FRMD7: variants seen among roughly 807,000 people sequenced by gnomAD.
FRMD7 encodes the protein FERM domain-containing protein 7.
Under a neutral mutation model 44.1 loss-of-function variants are expected in FRMD7, and 14 were observed. The observed-to-expected ratio is 0.32, with a 90% CI of 0.21 to 0.50. FRMD7 has a LOEUF of 0.50. FRMD7 is among the 20% of genes least tolerant of loss of function. The pLI is 0.99. For synonymous variants in FRMD7, 212 were observed against 187.4 expected (o/e 1.13, Z -1.07); for missense variants, 501 against 522.3 (o/e 0.96, Z 0.40).
intron 5 of FRMD7, among the ~76,000 whole-genome samples, chrX:132,087,947 A>T (rs1172069452): frequency 9.0e-6 from 1 of 111,524 alleles, no homozygotes; most frequent in African/African-American, 3.3e-5. Context: ...GACAAAAAAA[A>T]AATAACCCGC....
At chrX:132,120,441 C>G (rs971961229) in intron 1 of FRMD7, among the ~76,000 whole-genome samples, 12 of 112,856 alleles carry the variant, frequency 1.1e-4, no homozygotes, top group African/African-American at 3.9e-4. Context: ...GGCAAGGCCC[C>G]GACTAACTGA....
intron 1 of FRMD7, among the ~76,000 whole-genome samples, chrX:132,111,355 C>T (rs1928773741): frequency 1.8e-5 from 2 of 111,220 alleles, no homozygotes; most frequent in South Asian, 7.7e-4. Flanking sequence ...CCAGGCTGGT[C>T]TAGAACTCCT....
At chrX:132,094,271 G>C in intron 4 of FRMD7, 132 bp from the exon 5 acceptor site, 4 of 498,817 alleles carry the variant, frequency 8.0e-6, no homozygotes, top group Non-Finnish European at 1.4e-5. Context: ...TTTTGGGGGT[G>C]GTGAGTAATG....
chrX:132,083,294 C>T (rs1392498687), intron 8 of FRMD7, among the ~76,000 whole-genome samples: 1 of 111,755 alleles, frequency 8.9e-6, no homozygotes, highest in Non-Finnish European at 1.9e-5. Flanking sequence ...AACACTTTTT[C>T]CTCTATAGGT....
chrX:132,117,930 C>T (rs910119093), intron 1 of FRMD7, among the ~76,000 whole-genome samples: 4 of 111,901 alleles, frequency 3.6e-5, no homozygotes, highest in Non-Finnish European at 7.5e-5. Context: ...ATTTTCCCAG[C>T]TTATTTGGGG....
intron 1 of FRMD7, among the ~76,000 whole-genome samples, chrX:132,101,726 A>G (rs5930547): frequency 0.32 from 35,269 of 110,935 alleles, 4,473 homozygotes; most frequent in African/African-American, 0.43. Flanking sequence ...TAAGGCCACA[A>G]ATTTTTTTCT....
rs954740558 is a variant in FRMD7 at position 132,092,069 on chromosome X, AT to A, written c.382+1972del. 5.4e-5 allele frequency among the ~76,000 whole-genome samples: 6 copies of A among 111,351 alleles called. No homozygotes were observed. In the East Asian group the frequency reaches 1.7e-3, roughly 31 times the overall value. On this transcript the variant is annotated intron_variant, in intron 5 of 11. Transcript: ENST00000298542. The stretch of plus-strand genomic sequence containing the variant: ...AAATGTGAGCTCCACAAGGGCAAGG[AT>A]TTTTGTCTGTTTATTGCTGTGTTCC...
Position 132,080,072 on chromosome X carries a change from GTAA to G in FRMD7, c.981_983del (p.Tyr328del), listed in dbSNP as rs761046859. On this transcript the variant is annotated inframe_deletion, in exon 11 of 12. Transcript: ENST00000298542. ...ACTGTCGTTCATGGTACTGAGATGG[GTAA>G]TGTTTCCTGAAATCCCCAAGCAGAG... 5 of 1,194,323 alleles carry G rather than the reference GTAA, an allele frequency of 4.2e-6. No individual in the cohort carries two copies. The East Asian group carries it at 1.5e-4, about 35-fold the overall frequency.
intron 3 of FRMD7, among the ~76,000 whole-genome samples, chrX:132,098,242 C>T (rs1179284353): frequency 8.9e-6 from 1 of 112,038 alleles, no homozygotes; most frequent in Non-Finnish European, 1.9e-5. Flanking sequence ...TCTAAAATTA[C>T]AATTTAATAG....
intron 1 of FRMD7, among the ~76,000 whole-genome samples, chrX:132,117,591 G>A (rs192013096): frequency 2.7e-5 from 3 of 110,805 alleles, no homozygotes; most frequent in East Asian, 2.8e-4. Flanking sequence ...AAAAAGCAGG[G>A]AACAAAAGAA....
chrX:132,081,566 G>C (rs778215700), intron 9 of FRMD7, among the ~76,000 whole-genome samples: 1 of 112,304 alleles, frequency 8.9e-6, no homozygotes, highest in African/African-American at 3.2e-5. Flanking sequence ...AGAAGGCAGG[G>C]ATTCATAGAA....
Position 132,077,878 on chromosome X carries a change from TA to T in FRMD7, c.2138del (p.Leu713Ter), listed in dbSNP as rs757029488. 107 of 1,209,216 alleles carry T rather than the reference TA, an allele frequency of 8.8e-5. 1 individual carries two copies. The highest frequency in any genetic ancestry group is 1.1e-4 in the Non-Finnish European group (102 of 894,070). ...RTSLKPCNYF[L>X]A ...TGTCCATAGGTTCACACTTTTAAGC[TA>T]AAAAGTAATTACATGGTTTTAGTGA... is the stretch of plus-strand genomic sequence containing the variant. On this transcript the variant is annotated frameshift_variant, in exon 12 of 12. Coordinates refer to ENST00000298542, the MANE Select transcript of FRMD7 (RefSeq NM_194277.3). LOFTEE classifies it high-confidence loss of function.
chrX:132,085,514 C>T lies in FRMD7; in HGVS notation c.645+67G>A, dbSNP rs757586677. On this transcript the variant is annotated intron_variant, in intron 7 of 11. Coordinates refer to ENST00000298542, the MANE Select transcript of FRMD7 (RefSeq NM_194277.3). ...GGTGAGATCACCTTGGGAAAGGACA[C>T]CCAAGTTTGAGCCAAGATAACCACC... 14 of 1,072,901 alleles carry T rather than the reference C, an allele frequency of 1.3e-5. No homozygotes were observed. The East Asian group carries it at 1.5e-4, about 12-fold the overall frequency. 88.4% of individuals were successfully genotyped at this position (1,072,901 alleles called of 1,213,427 possible). A position where few individuals can be genotyped will look rare whatever the true frequency, so the allele number is the denominator to read the frequency against.
At position 132,098,061 on chromosome X, in the gene FRMD7, G is replaced by T. The variant is rs149180070; in HGVS notation, c.206-717C>A. 9.0e-5 allele frequency among the ~76,000 whole-genome samples: 10 copies of T among 111,676 alleles called. No homozygotes were observed. The East Asian group carries it at 2.8e-3, about 32-fold the overall frequency. ...CACTGAGTACTGGGGAAGCACAGAA[G>T]GGAGGAAAGAGTTTGGAGGAGGTCA... On this transcript the variant is annotated intron_variant, in intron 3 of 11. Coordinates refer to ENST00000298542, the MANE Select transcript of FRMD7 (RefSeq NM_194277.3).
In FRMD7 at chrX:132,078,469, C is replaced by T. The variant is rs1465852495; in HGVS notation, c.1548G>A (p.Arg516=). ...PRWSPIRAEE[R]TSPHSYVEPT... The stretch of plus-strand genomic sequence containing the variant: ...GCTCTACATAGCTATGTGGACTTGT[C>T]CTTTCCTCTGCTCTAATTGGGGACC... The change falls in exon 12 of 12, where the codon AGG becomes AGA. Residue 516 remains arginine, a synonymous_variant. Coordinates refer to ENST00000298542, the MANE Select transcript of FRMD7 (RefSeq NM_194277.3). The T allele has an allele frequency of 8.3e-7, 1 of 1,211,111 alleles. No homozygotes were observed. The highest frequency in any genetic ancestry group is 1.8e-5 in the South Asian group (1 of 56,957).
intron 4 of FRMD7, chrX:132,094,349 C>A (rs530626942): frequency 1.7e-5 from 7 of 404,159 alleles, no homozygotes; most frequent in Middle Eastern, 7.0e-4. Flanking sequence ...CTTTGGCAGG[C>A]CTCACAGCCA....
chrX:132,083,272 G>C (rs1927879501), intron 8 of FRMD7, among the ~76,000 whole-genome samples: 1 of 111,951 alleles, frequency 8.9e-6, no homozygotes, highest in African/African-American at 3.2e-5. Context: ...TCTTTTTAGT[G>C]TAACAGTTAG....
intron 1 of FRMD7, among the ~76,000 whole-genome samples, chrX:132,107,035 T>C (rs1401220681): frequency 1.8e-5 from 2 of 111,279 alleles, no homozygotes; most frequent in East Asian, 5.6e-4. Flanking sequence ...TAAAAGATTT[T>C]TAAAAAGAGA....
intron 1 of FRMD7, among the ~76,000 whole-genome samples, chrX:132,106,184 T>A (rs1023619622): frequency 9.0e-6 from 1 of 111,581 alleles, no homozygotes; most frequent in African/African-American, 3.3e-5. Flanking sequence ...AACAACCCCA[T>A]TAAAAAGTAG....
Sources: allele counts gnomAD v4.1 joint callset (sites outside exome capture counted in the v4.1 genomes callset), GRCh38; gene constraint gnomAD v4.1.1; transcripts MANE v1.5; gene names NCBI Gene and HGNC (gene_info 2026-07-23, HGNC 2026-07-21).